The following ARMH3 variants were observed in gnomAD, a reference collection of about 807,000 sequenced individuals.
ARMH3 encodes the protein armadillo like helical domain containing 3, also known as armadillo-like helical domain-containing protein 3.
ARMH3 carries 60 observed loss-of-function variants against 99.1 expected under a neutral mutation model. The ratio of observed to expected loss-of-function variants is 0.61; its 90% confidence interval spans 0.49 to 0.75. The LOEUF (loss-of-function observed/expected upper bound fraction) is 0.75. Ranked by LOEUF, ARMH3 falls within the 30% of genes least tolerant of loss-of-function variation. The pLI is 0.00. For synonymous variants in ARMH3, 285 were observed against 292.8 expected (o/e 0.97, Z 0.27); for missense variants, 679 against 843.1 (o/e 0.81, Z 2.41).
chr10:102,015,366 A>G (rs942645600), intron 8 of ARMH3, among the ~76,000 whole-genome samples: 2 of 151,994 alleles, frequency 1.3e-5, no homozygotes, highest in African/African-American at 4.8e-5. Flanking sequence ...TAGTCACCCA[A>G]AAGTAGACTG....
intron 22 of ARMH3, among the ~76,000 whole-genome samples, chr10:101,948,118 T>G (rs1279744685): frequency 6.6e-6 from 1 of 152,200 alleles, no homozygotes; most frequent in Non-Finnish European, 1.5e-5. Context: ...ATTGTAAATA[T>G]GTATAGATAA....
chr10:101,973,176 C>A (rs1590112138), intron 20 of ARMH3, among the ~76,000 whole-genome samples: 1 of 151,818 alleles, frequency 6.6e-6, no homozygotes, highest in Non-Finnish European at 1.5e-5. Flanking sequence ...CTGCCTAACA[C>A]GGTGAAACTC....
At chr10:102,001,230 C>T (rs2066354871) in intron 15 of ARMH3, among the ~76,000 whole-genome samples, 1 of 151,988 alleles carries the variant, frequency 6.6e-6, no homozygotes, top group Non-Finnish European at 1.5e-5. Flanking sequence ...TAAAAACAAA[C>T]ATAAAAATTG....
At chr10:101,854,901 T>C (rs2066695314) in intron 24 of ARMH3, among the ~76,000 whole-genome samples, 1 of 150,446 alleles carries the variant, frequency 6.6e-6, no homozygotes, top group Non-Finnish European at 1.5e-5. Context: ...TAGTCAATAA[T>C]GGTTACTAAT....
intron 24 of ARMH3, among the ~76,000 whole-genome samples, chr10:101,862,175 C>T (rs1472008185): frequency 6.7e-6 from 1 of 150,194 alleles, no homozygotes; most frequent in Non-Finnish European, 1.5e-5. Context: ...ATTATTTTTA[C>T]ACAAATTTAA....
chr10:102,034,768 TG>T (rs1413628285), intron 2 of ARMH3, among the ~76,000 whole-genome samples: 1 of 150,726 alleles, frequency 6.6e-6, no homozygotes, highest in African/African-American at 2.4e-5. Flanking sequence ...GACAGCCAGG[TG>T]CAGTGGCCCA....
At chr10:102,024,310 G>A (rs1037447027) in intron 6 of ARMH3, among the ~76,000 whole-genome samples, 4 of 151,574 alleles carry the variant, frequency 2.6e-5, no homozygotes, top group South Asian at 2.1e-4. Context: ...TTAGCCAGGC[G>A]TGGTTGTACA....
At position 101,920,216 on chromosome 10, in the gene ARMH3, G is replaced by A. The variant is rs2135594048; in HGVS notation, c.1781+19647C>T. The stretch of plus-strand genomic sequence containing the variant: ...TGCTGCTGTAGTGTGGCCAGGCCTG[G>A]CTCTAAGGATGAAGTGATGCTCAAA... On this transcript the variant is annotated intron_variant, in intron 23 of 25. Transcript: ENST00000370033. Among the ~76,000 whole-genome samples the A allele has an allele frequency of 1.3e-5, 2 of 152,298 alleles. 1 individual carries two copies. Among genetic ancestry groups the A allele is most frequent in the South Asian group, 4.1e-4 (2 of 4,832 alleles).
At chr10:101,864,394 T>A (rs903223918) in intron 24 of ARMH3, among the ~76,000 whole-genome samples, 4 of 152,190 alleles carry the variant, frequency 2.6e-5, no homozygotes, top group Non-Finnish European at 4.4e-5. Flanking sequence ...CATTACTGGG[T>A]ATATACCCAA....
At chr10:101,960,075 G>C (rs1360037900) in intron 20 of ARMH3, among the ~76,000 whole-genome samples, 1 of 152,160 alleles carries the variant, frequency 6.6e-6, no homozygotes, top group Non-Finnish European at 1.5e-5. Context: ...CTACTCGAGA[G>C]GCTGAGGCAG....
chr10:102,027,077 G>A (rs768709228), intron 5 of ARMH3, among the ~76,000 whole-genome samples: 7 of 152,108 alleles, frequency 4.6e-5, no homozygotes, highest in Non-Finnish European at 7.4e-5. Context: ...TTAGGAGTTC[G>A]AGACCAGCCT....
chr10:101,997,823 T>C (rs1847131056), intron 15 of ARMH3, among the ~76,000 whole-genome samples: 1 of 152,078 alleles, frequency 6.6e-6, no homozygotes, highest in African/African-American at 2.4e-5. Flanking sequence ...AGGATAAATA[T>C]ATAAGAAAAA....
intron 5 of ARMH3, among the ~76,000 whole-genome samples, chr10:102,028,355 C>G (rs937926761): frequency 9.2e-5 from 14 of 152,068 alleles, no homozygotes; most frequent in African/African-American, 3.4e-4. Flanking sequence ...TCAAGACCAG[C>G]TGGGTCAACA....
intron 23 of ARMH3, among the ~76,000 whole-genome samples, chr10:101,902,423 G>A (rs1336883936): frequency 6.6e-6 from 1 of 152,076 alleles, no homozygotes; most frequent in Non-Finnish European, 1.5e-5. Flanking sequence ...AACTTATTAT[G>A]GAGAAGAAAT....
chr10:102,006,666 G>GA (rs1461870725), intron 13 of ARMH3, 33 bp from the exon 14 acceptor site: 2 of 1,589,058 alleles, frequency 1.3e-6, no homozygotes, highest in Non-Finnish European at 1.7e-6. Flanking sequence ...TAAGAAAACA[G>GA]AAAATCCAGT....
chr10:101,920,217 C>A (rs1001442451), intron 23 of ARMH3, among the ~76,000 whole-genome samples: 2 of 152,110 alleles, frequency 1.3e-5, no homozygotes, highest in African/African-American at 4.8e-5. Flanking sequence ...CCAGGCCTGG[C>A]TCTAAGGATG....
At chr10:101,966,246 C>T (rs1333642022) in intron 20 of ARMH3, among the ~76,000 whole-genome samples, 1 of 145,704 alleles carries the variant, frequency 6.9e-6, no homozygotes. Context: ...GCTGGGATTA[C>T]AGGCATGCAC....
At chr10:101,887,786 T>C (rs1371684502) in intron 24 of ARMH3, among the ~76,000 whole-genome samples, 1 of 151,802 alleles carries the variant, frequency 6.6e-6, no homozygotes, top group Non-Finnish European at 1.5e-5. Flanking sequence ...CTTTCCCCAT[T>C]CTCCTATGAA....
chr10:101,967,930 G>T (rs1393368510), intron 20 of ARMH3, among the ~76,000 whole-genome samples: 1 of 152,076 alleles, frequency 6.6e-6, no homozygotes, highest in African/African-American at 2.4e-5. Context: ...AGCCTGCACT[G>T]ACTAAAGGCT....
Sources: allele counts gnomAD v4.1 joint callset (sites outside exome capture counted in the v4.1 genomes callset), GRCh38; gene constraint gnomAD v4.1.1; transcripts MANE v1.5; gene names NCBI Gene and HGNC (gene_info 2026-07-23, HGNC 2026-07-21).